COL4A4: variants seen among roughly 807,000 people sequenced by gnomAD.
COL4A4 encodes the protein collagen type IV alpha 4 chain.
Under a neutral mutation model 192.9 loss-of-function variants are expected in COL4A4, and 105 were observed. The observed-to-expected ratio is 0.54, with a 90% CI of 0.46 to 0.64. The LOEUF (loss-of-function observed/expected upper bound fraction) is 0.64. Among genes scored for constraint, COL4A4 ranks in the 30% least tolerant of loss-of-function variants. The pLI is 0.00. For synonymous variants in COL4A4, 762 were observed against 769.9 expected (o/e 0.99, Z 0.17); for missense variants, 1,967 against 2,169.3 (o/e 0.91, Z 1.85).
At chr2:227,015,651 C>A (rs951230256) in intron 44 of COL4A4, among the ~76,000 whole-genome samples, 7 of 152,140 alleles carry the variant, frequency 4.6e-5, no homozygotes, top group Non-Finnish European at 1.0e-4. Flanking sequence ...AAAAGCAGGG[C>A]CTTGTTGGAT....
At position 227,030,642 on chromosome 2, in the gene COL4A4, G is replaced by A. The variant is rs189866176; in HGVS notation, c.3818-44C>T. 2.4e-4 allele frequency: 360 copies of A among 1,511,972 alleles called. No individual in the cohort carries two copies. In the African/African-American group the frequency reaches 4.4e-3, roughly 19 times the overall value. 93.7% of individuals were successfully genotyped at this position (1,511,972 alleles called of 1,614,324 possible). A position where few individuals can be genotyped will look rare whatever the true frequency, so the allele number is the denominator to read the frequency against. ...CAAAAATATTCTTTTAGTCAAAGAC[G>A]AATGTGTATACTGGCTGCTTGACAG... On this transcript the variant is annotated intron_variant, in intron 40 of 47. Coordinates refer to ENST00000396625, the MANE Select transcript of COL4A4 (RefSeq NM_000092.5).
intron 25 of COL4A4, among the ~76,000 whole-genome samples, chr2:227,069,525 A>C (rs1464116714): frequency 1.3e-5 from 2 of 151,888 alleles, no homozygotes; most frequent in Non-Finnish European, 3.0e-5. Context: ...ACAGAGATAT[A>C]GATCAATGGA....
chr2:227,078,475 T>C (rs530985143), intron 24 of COL4A4, among the ~76,000 whole-genome samples: 41 of 152,228 alleles, frequency 2.7e-4, no homozygotes, highest in African/African-American at 8.9e-4. Flanking sequence ...ACCCCTGACC[T>C]CCACCTGCCT....
intron 25 of COL4A4, among the ~76,000 whole-genome samples, chr2:227,066,299 A>G (rs1321531673): frequency 2.0e-5 from 3 of 152,102 alleles, no homozygotes; most frequent in Non-Finnish European, 4.4e-5. Flanking sequence ...TCTGCAGGAT[A>G]TTATCCAGGA....
chr2:227,066,741 G>A (rs1341236430), intron 25 of COL4A4, among the ~76,000 whole-genome samples: 6 of 151,188 alleles, frequency 4.0e-5, no homozygotes, highest in Non-Finnish European at 5.9e-5. Flanking sequence ...AGGAACAACC[G>A]GTACCAGCTG....
intron 42 of COL4A4, among the ~76,000 whole-genome samples, chr2:227,027,296 CTTTT>C (rs1203183854): frequency 7.0e-6 from 1 of 143,568 alleles, no homozygotes; most frequent in Non-Finnish European, 1.5e-5. Flanking sequence ...AAATGAACTC[CTTTT>C]TTTTTTTTGA....
At chr2:227,080,216 A>G (rs1487522184) in intron 24 of COL4A4, among the ~76,000 whole-genome samples, 1 of 152,178 alleles carries the variant, frequency 6.6e-6, no homozygotes, top group Non-Finnish European at 1.5e-5. Context: ...CAAGGACCGA[A>G]AGTCCTGCTA....
intron 42 of COL4A4, 23 bp from the exon 43 acceptor site, chr2:227,025,833 A>C: frequency 1.2e-6 from 2 of 1,611,570 alleles, no homozygotes; most frequent in East Asian, 2.2e-5. Flanking sequence ...AAAGACAACA[A>C]ACGAGGCCAG....
At chr2:227,034,268 A>G (rs964911036) in intron 37 of COL4A4, among the ~76,000 whole-genome samples, 2 of 152,154 alleles carry the variant, frequency 1.3e-5, no homozygotes, top group African/African-American at 4.8e-5. Flanking sequence ...TTTTTTATCA[A>G]CGTATGTTGA....
At chr2:227,040,471 ACT>A (rs1375319178) in intron 37 of COL4A4, among the ~76,000 whole-genome samples, 2 of 152,000 alleles carry the variant, frequency 1.3e-5, no homozygotes, top group African/African-American at 2.4e-5. Context: ...AAAAAATCAT[ACT>A]CTGTTTGATG....
intron 25 of COL4A4, among the ~76,000 whole-genome samples, chr2:227,071,827 C>T (rs1297650000): frequency 1.3e-5 from 2 of 151,886 alleles, no homozygotes; most frequent in African/African-American, 4.8e-5. Flanking sequence ...TCAGGATGGA[C>T]ATTTAAAAAT....
chr2:227,135,354 T>A (rs925925732), intron 4 of COL4A4, among the ~76,000 whole-genome samples: 2 of 152,174 alleles, frequency 1.3e-5, no homozygotes, highest in Non-Finnish European at 2.9e-5. Context: ...AGGGTGCCAT[T>A]GTACCTTAAA....
intron 5 of COL4A4, 62 bp from the exon 6 acceptor site, chr2:227,120,001 T>C: frequency 7.9e-7 from 1 of 1,259,626 alleles, no homozygotes; most frequent in South Asian, 1.6e-5. Context: ...CTGATTTACT[T>C]GAAAATAGTA....
intron 13 of COL4A4, among the ~76,000 whole-genome samples, chr2:227,103,593 C>T (rs546934894): frequency 1.6e-3 from 247 of 152,354 alleles, no homozygotes; most frequent in Non-Finnish European, 2.3e-3. Flanking sequence ...GAATCTATTA[C>T]GGCCCAGTTC....
intron 23 of COL4A4, among the ~76,000 whole-genome samples, chr2:227,080,877 G>A (rs554429859): frequency 6.6e-6 from 1 of 152,320 alleles, no homozygotes; most frequent in Non-Finnish European, 1.5e-5. Flanking sequence ...ATGGTCTGCG[G>A]TTGGGTACTT....
the COL4A4 span, among the ~76,000 whole-genome samples, chr2:226,970,938 A>G: frequency 7.1e-4 from 108 of 152,348 alleles, no homozygotes; most frequent in African/African-American, 2.5e-3. Flanking sequence ...CAAGTGTATT[A>G]AAACATACGC....
intron 4 of COL4A4, among the ~76,000 whole-genome samples, chr2:227,125,014 A>G (rs1417851573): frequency 6.6e-6 from 1 of 152,198 alleles, no homozygotes; most frequent in Non-Finnish European, 1.5e-5. Flanking sequence ...GAGAGAGCCA[A>G]TTAACTGACT....
In COL4A4 at chr2:227,006,097, C is replaced by T. The variant is rs1224542149; in HGVS notation, c.*1228G>A. The T allele has an allele frequency of 1.3e-5, 2 of 152,598 alleles. No individual in the cohort carries two copies. Among genetic ancestry groups the T allele is most frequent in the Admixed American group, 6.5e-5 (1 of 15,274 alleles). 9.5% of individuals were successfully genotyped at this position (152,598 alleles called of 1,614,324 possible). On this transcript the variant is annotated 3_prime_UTR_variant, in exon 48 of 48. Transcript: ENST00000396625. ...GGGATGCTCCTGTAACAGCCAACCA[C>T]GGGAGCATAAAATTCAAATTATAAA...
In COL4A4 at chr2:227,077,928, ACCTGGGTGGCCTGGAACT is replaced by A. The variant is rs1553658892; in HGVS notation, c.1935_1952del (p.Pro647_Val652del). On this transcript the variant is annotated inframe_deletion, in exon 25 of 48. Coordinates refer to ENST00000396625, the MANE Select transcript of COL4A4 (RefSeq NM_000092.5). Reference sequence around the variant, plus strand: ...CCTTCAAGCCATCAGGGCCCCTCACACCTGGGTGGCCTGGAACTCCTGGGTGGCCTCGCTCTCCTGGTG... The same window carrying A: ...CCTTCAAGCCATCAGGGCCCCTCACACCTGGGTGGCCTCGCTCTCCTGGTG... 6.2e-7 allele frequency: 1 copy of A among 1,613,372 alleles called. No individual in the cohort carries two copies. Among genetic ancestry groups the A allele is most frequent in the Admixed American group, 1.7e-5 (1 of 60,000 alleles).
Sources: gnomAD v4.1 joint callset for allele counts (sites outside exome capture counted in the v4.1 genomes callset) on GRCh38, gnomAD v4.1.1 for gene constraint, MANE v1.5 for transcripts, NCBI Gene and HGNC (gene_info 2026-07-23, HGNC 2026-07-21) for gene names.